Variants in FNDC3A observed in about 807,000 individuals in gnomAD.
The protein encoded by FNDC3A is fibronectin type III domain containing 3A.
A neutral mutation model predicts 148.9 loss-of-function variants in FNDC3A; 32 were observed. That is an observed-to-expected ratio of 0.21 (90% CI 0.16 to 0.29). The LOEUF (loss-of-function observed/expected upper bound fraction) is 0.29, where lower values mean the gene tolerates loss of function less well. FNDC3A is among the 10% of genes least tolerant of loss of function. FNDC3A has a pLI of 1.00. For synonymous variants in FNDC3A, 472 were observed against 473.6 expected, an observed-to-expected ratio of 1.00 and a Z score of 0.04; for missense variants, 1,191 against 1,452.8, an observed-to-expected ratio of 0.82 and a Z score of 2.93.
At chr13:49,143,104 G>A (rs1451462634) in intron 7 of FNDC3A, among the ~76,000 whole-genome samples, 3 of 152,142 alleles carry the variant, frequency 2.0e-5, no homozygotes, top group African/African-American at 7.2e-5. Flanking sequence ...TTAACCTCAG[G>A]TGATCTGCCC....
At chr13:49,094,332 A>C (rs968713581) in intron 3 of FNDC3A, among the ~76,000 whole-genome samples, 1 of 152,146 alleles carries the variant, frequency 6.6e-6, no homozygotes, top group Non-Finnish European at 1.5e-5. Flanking sequence ...AGGCTTTTCC[A>C]ATTCATTTTA....
intron 8 of FNDC3A, among the ~76,000 whole-genome samples, chr13:49,148,608 C>G (rs1883121160): frequency 6.6e-6 from 1 of 152,122 alleles, no homozygotes. Context: ...TTACTATAGT[C>G]TTGCAGTATA....
intron 3 of FNDC3A, among the ~76,000 whole-genome samples, chr13:49,078,790 AT>A (rs997979229): frequency 3.6e-4 from 55 of 152,214 alleles, no homozygotes; most frequent in Admixed American, 2.3e-3. Flanking sequence ...GAGATTATTA[AT>A]AGAAGTGGAG....
At chr13:49,035,944 A>G (rs999216266) in intron 2 of FNDC3A, among the ~76,000 whole-genome samples, 2 of 152,086 alleles carry the variant, frequency 1.3e-5, no homozygotes, top group African/African-American at 4.8e-5. Flanking sequence ...CTTAATTTCT[A>G]TTTTGACTTC....
intron 8 of FNDC3A, among the ~76,000 whole-genome samples, chr13:49,166,330 C>T (rs773615193): frequency 2.1e-4 from 32 of 152,308 alleles, no homozygotes; most frequent in Non-Finnish European, 2.4e-4. Context: ...TTGCCAGTGG[C>T]TCAGGCTTTA....
At chr13:49,158,562 G>A (rs963651413) in intron 8 of FNDC3A, among the ~76,000 whole-genome samples, 1 of 152,180 alleles carries the variant, frequency 6.6e-6, no homozygotes, top group Non-Finnish European at 1.5e-5. Flanking sequence ...CTCCCATTCT[G>A]TAGGTTGCCT....
chr13:49,171,089 C>CCA (rs1884732027), intron 10 of FNDC3A, among the ~76,000 whole-genome samples: 1 of 152,072 alleles, frequency 6.6e-6, no homozygotes, highest in Non-Finnish European at 1.5e-5. Context: ...CACTACTTTG[C>CCA]CAGTCAGTGA....
At chr13:49,012,932 G>A (rs752500063) in intron 2 of FNDC3A, among the ~76,000 whole-genome samples, 2 of 151,530 alleles carry the variant, frequency 1.3e-5, no homozygotes, top group African/African-American at 2.4e-5. Flanking sequence ...TACTCATTTT[G>A]AGACTTGTTC....
chr13:49,185,100 A>G (rs1885499714), intron 14 of FNDC3A, among the ~76,000 whole-genome samples: 1 of 147,478 alleles, frequency 6.8e-6, no homozygotes, highest in South Asian at 2.2e-4. Context: ...GGGCAGGTTT[A>G]GAGAAGAAAA....
intron 1 of FNDC3A, among the ~76,000 whole-genome samples, chr13:48,993,568 T>A (rs1165948078): frequency 6.6e-6 from 1 of 152,236 alleles, no homozygotes; most frequent in Non-Finnish European, 1.5e-5. Flanking sequence ...TTAATGAAGA[T>A]GTGTACATTT....
At chr13:49,096,552 G>A (rs1157915843) in intron 3 of FNDC3A, among the ~76,000 whole-genome samples, 2 of 152,066 alleles carry the variant, frequency 1.3e-5, no homozygotes, top group Admixed American at 1.3e-4. Context: ...ATGTGCTGAA[G>A]TTTCTCACTT....
intron 1 of FNDC3A, among the ~76,000 whole-genome samples, chr13:49,002,238 T>C (rs1005915965): frequency 1.3e-5 from 2 of 152,208 alleles, no homozygotes; most frequent in African/African-American, 4.8e-5. Context: ...TGCCCTTTCC[T>C]GATCTTAAAG....
chr13:49,088,683 G>GT (rs528441197), intron 3 of FNDC3A, among the ~76,000 whole-genome samples: 5 of 151,618 alleles, frequency 3.3e-5, no homozygotes, highest in African/African-American at 1.2e-4. Flanking sequence ...GCATTCTCCT[G>GT]TTTTTTTTCC....
At chr13:49,198,306 GA>G in intron 22 of FNDC3A, 41 bp downstream of exon 22, 5 of 1,611,440 alleles carry the variant, frequency 3.1e-6, no homozygotes, top group Non-Finnish European at 4.2e-6. Flanking sequence ...CTAGACCAGA[GA>G]GACGCTTTAA....
chr13:49,019,570 G>A (rs762679004), intron 2 of FNDC3A, among the ~76,000 whole-genome samples: 134 of 152,314 alleles, frequency 8.8e-4, no homozygotes, highest in Middle Eastern at 3.4e-3. Context: ...CTTCTGCGTC[G>A]CTCTCTCTGG....
intron 8 of FNDC3A, 46 bp downstream of exon 8, chr13:49,145,981 T>C (rs1170883811): frequency 1.4e-6 from 2 of 1,456,614 alleles, no homozygotes; most frequent in Admixed American, 2.1e-5. Context: ...AAATTAATGG[T>C]TTATTATAAA....
At position 49,208,717 on chromosome 13, in the gene FNDC3A, A is replaced by G. The variant is rs1056529079; in HGVS notation, c.*1322A>G. ...TACAGTTTATAATGAAACTATCTAC[A>G]ATTCTTGTTTTAGCACATCTGTTAT... On this transcript the variant is annotated 3_prime_UTR_variant, in exon 26 of 26. Transcript: ENST00000492622. The G allele has an allele frequency of 6.6e-6, 1 of 152,624 alleles. No homozygotes were observed. The highest frequency in any genetic ancestry group is 2.4e-5 in the African/African-American group (1 of 41,456). 9.5% of individuals were successfully genotyped at this position (152,624 alleles called of 1,614,324 possible).
At chr13:49,104,561 A>AGAAAT (rs1488160100) in intron 3 of FNDC3A, among the ~76,000 whole-genome samples, 1 of 152,120 alleles carries the variant, frequency 6.6e-6, no homozygotes, top group African/African-American at 2.4e-5. Flanking sequence ...AGAAAAGAAA[A>AGAAAT]GAAATGTGAT....
At chr13:49,174,624 A>C (rs1593706487) in intron 12 of FNDC3A, 65 bp downstream of exon 12, 1 of 1,368,184 alleles carries the variant, frequency 7.3e-7, no homozygotes, top group East Asian at 2.4e-5. Flanking sequence ...CAATTGTATA[A>C]TTATTTACTG....
Sources: gnomAD v4.1 joint callset for allele counts (sites outside exome capture counted in the v4.1 genomes callset) on GRCh38, gnomAD v4.1.1 for gene constraint, MANE v1.5 for transcripts, NCBI Gene and HGNC (gene_info 2026-07-23, HGNC 2026-07-21) for gene names.